PCDHGA2: variants seen among roughly 807,000 people sequenced by gnomAD.
PCDHGA2 encodes protocadherin gamma subfamily A, 2.
Under a neutral mutation model 59.2 loss-of-function variants are expected in PCDHGA2, and 40 were observed. The ratio of observed to expected loss-of-function variants is 0.68; its 90% CI spans 0.52 to 0.88. PCDHGA2 has a LOEUF of 0.88. PCDHGA2 is among the 40% of genes least tolerant of loss of function. PCDHGA2 has a pLI of 0.00. For missense variants in PCDHGA2, 1,226 were observed against 1,204.0 expected, an observed-to-expected ratio of 1.02 and a Z score of -0.27; for synonymous variants, 560 against 526.0, an observed-to-expected ratio of 1.06 and a Z score of -0.89.
intron 1 of PCDHGA2, chr5:141,355,818 G>A: frequency 1.2e-6 from 2 of 1,613,008 alleles, no homozygotes; most frequent in South Asian, 1.1e-5. Flanking sequence ...AGGAAGAGGC[G>A]GTTCACCACC....
intron 1 of PCDHGA2, chr5:141,418,998 G>C (rs757681244): frequency 1.9e-6 from 3 of 1,613,940 alleles, no homozygotes; most frequent in South Asian, 1.1e-5. Context: ...GGGGAAAATG[G>C]GGAAGTCAGG....
At chr5:141,433,828 ACT>A (rs1431945413) in intron 1 of PCDHGA2, among the ~76,000 whole-genome samples, 2 of 142,254 alleles carry the variant, frequency 1.4e-5, no homozygotes, top group Admixed American at 7.0e-5. Flanking sequence ...CAAGAGTGAA[ACT>A]CTATCTCAAA....
At chr5:141,421,388 G>T in intron 1 of PCDHGA2, 17 of 1,614,052 alleles carry the variant, frequency 1.1e-5, no homozygotes, top group Non-Finnish European at 1.4e-5. Flanking sequence ...AAGGACCTGG[G>T]GCTGGAGCCC....
intron 1 of PCDHGA2, among the ~76,000 whole-genome samples, chr5:141,381,588 C>A (rs950260472): frequency 6.6e-6 from 1 of 152,192 alleles, no homozygotes; most frequent in African/African-American, 2.4e-5. Context: ...AATCCATTAT[C>A]CAGTTTCTTA....
chr5:141,415,389 T>A lies in PCDHGA2; in HGVS notation c.2424+73994T>A, dbSNP rs1282535508. On this transcript the variant is annotated intron_variant, in intron 1 of 3. Transcript: ENST00000394576. ...AGGCTTCAGGAGGCGGCTTGACAGG[T>A]GTGTCCGGCTCGCACTTTGTGGGCG... 9.3e-6 allele frequency: 15 copies of A among 1,614,162 alleles called. No individual in the cohort carries two copies. The East Asian group carries it at 2.5e-4, about 26-fold the overall frequency.
Position 141,454,887 on chromosome 5 carries a change from T to C in PCDHGA2, c.2425-39920T>C, listed in dbSNP as rs1291501766. Among the ~76,000 whole-genome samples, 3 of 138,310 alleles carry C rather than the reference T, an allele frequency of 2.2e-5. No homozygotes were observed. The Admixed American group carries it at 2.3e-4, about 11-fold the overall frequency. 90.7% of individuals were successfully genotyped at this position (138,310 alleles called of 152,430 possible). A position where few individuals can be genotyped will look rare whatever the true frequency, so the allele number is the denominator to read the frequency against. ...CAGTGGCACGATCTTGGCTCACTGC[T>C]AGCACCGCCTCCCGGGTTCACGCCA... On this transcript the variant is annotated intron_variant, in intron 1 of 3. Coordinates refer to ENST00000394576, the MANE Select transcript of PCDHGA2 (RefSeq NM_018915.4).
chr5:141,409,628 G>T (rs367728235), intron 1 of PCDHGA2: 1 of 1,613,848 alleles, frequency 6.2e-7, no homozygotes. Flanking sequence ...GCAAGTGAGC[G>T]CCTCTGACCC....
chr5:141,341,056 G>A lies in PCDHGA2; in HGVS notation c.2085G>A (p.Val695=), dbSNP rs148818504. Residue 695 remains valine, a synonymous_variant, in exon 1 of 4, where the codon GTG becomes GTA. Coordinates refer to ENST00000394576, the MANE Select transcript of PCDHGA2 (RefSeq NM_018915.4). ...NDSDLTLYLV[V]AVAAVSCVFL... ...CGGACCTCACTCTGTACCTGGTGGT[G>A]GCGGTGGCCGCGGTCTCCTGCGTCT... 23 of 1,614,076 alleles carry A rather than the reference G, an allele frequency of 1.4e-5. No homozygotes were observed. Among genetic ancestry groups the A allele is most frequent in the Non-Finnish European group, 1.9e-5 (22 of 1,180,050 alleles).
At chr5:141,426,876 C>T (rs796453479) in intron 1 of PCDHGA2, 2 of 456,726 alleles carry the variant, frequency 4.4e-6, no homozygotes, top group African/African-American at 2.0e-5. Context: ...GGAGAAGCCC[C>T]TGGGCCAGGA....
chr5:141,420,394 C>A, intron 1 of PCDHGA2: 2 of 1,260,296 alleles, frequency 1.6e-6, no homozygotes, highest in Non-Finnish European at 2.1e-6. Flanking sequence ...AAATATAGGT[C>A]AAATTTATGG....
chr5:141,433,199 ATCT>A (rs1202688924), intron 1 of PCDHGA2: 4 of 1,579,570 alleles, frequency 2.5e-6, no homozygotes, highest in East Asian at 2.2e-5. Context: ...TTTATATCAA[ATCT>A]TCTTTCTTTT....
intron 1 of PCDHGA2, chr5:141,389,972 GA>G: frequency 6.2e-7 from 1 of 1,614,056 alleles, no homozygotes; most frequent in East Asian, 2.2e-5. Flanking sequence ...CCTTGGCCTT[GA>G]TCTCAGTGCT....
chr5:141,355,412 G>A lies in PCDHGA2; in HGVS notation c.2424+14017G>A, dbSNP rs556932481. On this transcript the variant is annotated intron_variant, in intron 1 of 3. Coordinates refer to ENST00000394576, the MANE Select transcript of PCDHGA2 (RefSeq NM_018915.4). ...GGAGTCCGCATCGTCTCCAGAGGTA[G>A]GACGCAGCTTTTCGCCCTGAACCCG... is the stretch of plus-strand genomic sequence containing the variant. 188 of 1,614,112 alleles carry A rather than the reference G, an allele frequency of 1.2e-4. 2 individuals are homozygous for A. In the South Asian group the frequency reaches 2.0e-3, roughly 17 times the overall value.
intron 1 of PCDHGA2, chr5:141,376,337 A>G (rs780979921): frequency 1.9e-6 from 3 of 1,613,924 alleles, no homozygotes; most frequent in Non-Finnish European, 2.5e-6. Context: ...TTTCCTGCAG[A>G]CCTATTCCCA....
At chr5:141,509,968 C>A (rs1450809995) in intron 3 of PCDHGA2, among the ~76,000 whole-genome samples, 1 of 152,166 alleles carries the variant, frequency 6.6e-6, no homozygotes, top group Non-Finnish European at 1.5e-5. Context: ...TGGCCTTGGT[C>A]CTTCTAACAC....
At chr5:141,383,565 A>G (rs1306554654) in intron 1 of PCDHGA2, 5 of 1,613,204 alleles carry the variant, frequency 3.1e-6, no homozygotes, top group Non-Finnish European at 4.2e-6. Flanking sequence ...ACCCGCCCCG[A>G]TCCAGCACCG....
In PCDHGA2 at chr5:141,357,295, G is replaced by A. The variant is rs774772455; in HGVS notation, c.2424+15900G>A. 1.4e-5 allele frequency: 23 copies of A among 1,613,810 alleles called. No individual in the cohort carries two copies. In the African/African-American group the frequency reaches 2.5e-4, roughly 18 times the overall value. ...ACTCTATCTCGTGGTGGCAGTGGCC[G>A]CTGTCTCCTGCGTCTTCCTGGCTTT... On this transcript the variant is annotated intron_variant, in intron 1 of 3. Transcript: ENST00000394576.
intron 1 of PCDHGA2, chr5:141,400,466 C>T: frequency 6.2e-7 from 1 of 1,614,024 alleles, no homozygotes; most frequent in Non-Finnish European, 8.5e-7. Context: ...TGTGGTGATT[C>T]ATCTGGGGCC....
intron 1 of PCDHGA2, chr5:141,408,319 G>T: frequency 6.2e-7 from 1 of 1,613,896 alleles, no homozygotes; most frequent in Non-Finnish European, 8.5e-7. Context: ...CGATTCCGGA[G>T]GAGCTGGCCA....
Sources: allele counts gnomAD v4.1 joint callset (sites outside exome capture counted in the v4.1 genomes callset), GRCh38; gene constraint gnomAD v4.1.1; transcripts MANE v1.5; gene names NCBI Gene and HGNC (gene_info 2026-07-23, HGNC 2026-07-21).